Variants in NALCN observed in about 807,000 individuals in gnomAD.
NALCN encodes sodium leak channel, non-selective.
A neutral mutation model predicts 225.3 loss-of-function variants in NALCN; 111 were observed. That is an observed-to-expected ratio of 0.49 (90% confidence interval 0.42 to 0.58). The LOEUF (loss-of-function observed/expected upper bound fraction) is 0.58. Ranked by LOEUF, NALCN falls within the 20% of genes least tolerant of loss-of-function variation. The pLI is 0.00. For missense variants in NALCN, 1,378 were observed against 2,202.4 expected (o/e 0.63, Z 7.49); for synonymous variants, 764 against 769.0 (o/e 0.99, Z 0.11).
chr13:101,111,041 C>G (rs982052392), intron 19 of NALCN, 84 bp downstream of exon 19: 279 of 1,383,616 alleles, frequency 2.0e-4, no homozygotes, highest in Non-Finnish European at 2.7e-4. Context: ...CCAGGGCTGA[C>G]AGCCGTGACT....
chr13:101,186,848 AG>A (rs2039469574), intron 14 of NALCN, among the ~76,000 whole-genome samples: 1 of 152,180 alleles, frequency 6.6e-6, no homozygotes, highest in Admixed American at 6.5e-5. Flanking sequence ...AAAGACTTAA[AG>A]GTGAAAAGCA....
chr13:101,267,535 G>A (rs113084786), intron 10 of NALCN, among the ~76,000 whole-genome samples: 1 of 152,318 alleles, frequency 6.6e-6, no homozygotes, highest in African/African-American at 2.4e-5. Flanking sequence ...GGTAGCAAAG[G>A]TGAAGTAAGC....
intron 14 of NALCN, chr13:101,180,264 T>C (rs2039145776): frequency 6.9e-6 from 1 of 144,748 alleles, no homozygotes; most frequent in Non-Finnish European, 1.5e-5. Flanking sequence ...TGGAGTGCAG[T>C]GGTGTGATCT....
chr13:101,279,827 TAAATAAATA>T (rs1268148487), intron 10 of NALCN, among the ~76,000 whole-genome samples: 13 of 54,044 alleles, frequency 2.4e-4, no homozygotes, highest in East Asian at 1.9e-3. Flanking sequence ...AAAAAATAAA[TAAATAAATA>T]AAATAAATAA....
At chr13:101,392,740 T>A (rs2047181396) in intron 3 of NALCN, among the ~76,000 whole-genome samples, 1 of 152,186 alleles carries the variant, frequency 6.6e-6, no homozygotes, top group African/African-American at 2.4e-5. Context: ...TATTTGAATA[T>A]GATATGATCA....
chr13:101,303,550 G>T (rs927562169), intron 7 of NALCN, among the ~76,000 whole-genome samples: 15 of 152,072 alleles, frequency 9.9e-5, no homozygotes, highest in Non-Finnish European at 1.6e-4. Context: ...ACAACTAACT[G>T]CAAGGCAACA....
intron 37 of NALCN, among the ~76,000 whole-genome samples, chr13:101,071,159 G>T (rs1226845095): frequency 2.0e-5 from 3 of 152,200 alleles, no homozygotes; most frequent in African/African-American, 7.2e-5. Context: ...TGAGATTTGG[G>T]TGGGGACACA....
intron 15 of NALCN, among the ~76,000 whole-genome samples, chr13:101,152,184 A>G (rs2037684431): frequency 6.6e-6 from 1 of 152,222 alleles, no homozygotes; most frequent in Non-Finnish European, 1.5e-5. Flanking sequence ...TATGGGCCAT[A>G]AAAGCTACAT....
intron 10 of NALCN, 144 bp from the exon 11 acceptor site, chr13:101,258,718 C>G: frequency 2.7e-6 from 3 of 1,120,814 alleles, no homozygotes; most frequent in Non-Finnish European, 2.5e-6. Context: ...CCATGTCCCA[C>G]ACTGCTGAAC....
At chr13:101,095,190 G>A (rs554692210) in intron 28 of NALCN, among the ~76,000 whole-genome samples, 1 of 152,130 alleles carries the variant, frequency 6.6e-6, no homozygotes, top group Non-Finnish European at 1.5e-5. Flanking sequence ...TTATGATTTA[G>A]GGTTCTATTA....
chr13:101,085,607 T>G (rs949497315), intron 30 of NALCN, among the ~76,000 whole-genome samples: 1 of 152,186 alleles, frequency 6.6e-6, no homozygotes, highest in South Asian at 2.1e-4. Flanking sequence ...ATGCTAATTA[T>G]CCTGATTTGA....
chr13:101,068,337 A>G (rs2032590453), intron 38 of NALCN, among the ~76,000 whole-genome samples: 1 of 152,178 alleles, frequency 6.6e-6, no homozygotes, highest in South Asian at 2.1e-4. Flanking sequence ...TAAAGGTCAA[A>G]TTGAGTTCTG....
At chr13:101,111,784 C>T (rs1481999695) in intron 18 of NALCN, among the ~76,000 whole-genome samples, 1 of 152,180 alleles carries the variant, frequency 6.6e-6, no homozygotes, top group Non-Finnish European at 1.5e-5. Flanking sequence ...TCACCGTCTG[C>T]TATGATTGTG....
In NALCN at chr13:101,201,911, G is replaced by C. The variant is rs79820037; in HGVS notation, c.1627-9857C>G. On this transcript the variant is annotated intron_variant, in intron 13 of 43. Transcript: ENST00000251127. ...TAGTAGCTCAACCTTTTTATTGAGA[G>C]AGTCCCTGTTATATCTTACTATAAG... Among the ~76,000 whole-genome samples the C allele has an allele frequency of 3.3e-3, 506 of 152,278 alleles. 1 individual carries two copies. The highest frequency in any genetic ancestry group is 5.3e-3 in the Non-Finnish European group (362 of 68,004).
intron 13 of NALCN, among the ~76,000 whole-genome samples, chr13:101,213,027 C>T (rs3858786): frequency 0.21 from 32,133 of 151,674 alleles, 3,467 homozygotes; most frequent in East Asian, 0.37. Flanking sequence ...GGAGGCATCA[C>T]GCTACCTGAC....
chr13:101,218,237 T>C (rs1040912969), intron 13 of NALCN, among the ~76,000 whole-genome samples: 4 of 152,064 alleles, frequency 2.6e-5, no homozygotes, highest in Admixed American at 6.6e-5. Context: ...TTTGCTAACA[T>C]AGGAAGACAA....
rs142010452 is a variant in NALCN, at chr13:101,321,008, A to T, written c.799+24258T>A. On this transcript the variant is annotated intron_variant, in intron 7 of 43. Transcript: ENST00000251127. ...CATGGTATAGGTGACAATACCATTC[A>T]ATGATGCCGATGTTATGACAAAGTC... Among the ~76,000 whole-genome samples the T allele has an allele frequency of 3.1e-3, 475 of 152,284 alleles. 2 individuals carry two copies. The highest frequency in any genetic ancestry group is 0.01 in the African/African-American group (428 of 41,566).
intron 9 of NALCN, 87 bp downstream of exon 9, chr13:101,291,903 C>T: frequency 7.5e-7 from 1 of 1,328,722 alleles, no homozygotes. Flanking sequence ...GCCCATCATG[C>T]AAGAGCTTCC....
intron 15 of NALCN, among the ~76,000 whole-genome samples, chr13:101,175,955 A>G (rs2038941287): frequency 6.6e-6 from 1 of 152,230 alleles, no homozygotes; most frequent in Non-Finnish European, 1.5e-5. Flanking sequence ...GATAAAGACT[A>G]TTACATATAA....
Sources: gnomAD v4.1 joint callset for allele counts (sites outside exome capture counted in the v4.1 genomes callset) on GRCh38, gnomAD v4.1.1 for gene constraint, MANE v1.5 for transcripts, NCBI Gene and HGNC (gene_info 2026-07-23, HGNC 2026-07-21) for gene names.